The following ADGRG1 variants were observed in gnomAD, a reference collection of about 807,000 sequenced individuals.
ADGRG1 encodes 7-transmembrane protein with no EGF-like N-terminal domains-1.
Under a neutral mutation model 73.5 loss-of-function variants are expected in ADGRG1, and 53 were observed. That is an observed-to-expected ratio of 0.72 (90% CI 0.58 to 0.91). The LOEUF (loss-of-function observed/expected upper bound fraction) is 0.91. ADGRG1 is among the 40% of genes least tolerant of loss of function. The pLI, the probability that ADGRG1 is intolerant of heterozygous loss-of-function variation, is 0.00. For missense variants in ADGRG1, 795 were observed against 871.8 expected, an observed-to-expected ratio of 0.91 and a Z score of 1.11; for synonymous variants, 394 against 374.4, an observed-to-expected ratio of 1.05 and a Z score of -0.60.
intron 1 of ADGRG1, chr16:57,647,600 C>T: frequency 8.5e-6 from 3 of 351,916 alleles, no homozygotes; most frequent in Non-Finnish European, 1.2e-5. Context: ...AGTAACTAGC[C>T]CAAGGACACA....
intron 7 of ADGRG1, 42 bp from the exon 8 acceptor site, chr16:57,656,184 G>C: frequency 6.2e-7 from 1 of 1,613,668 alleles, no homozygotes; most frequent in Non-Finnish European, 8.5e-7. Context: ...TGGAGGGGTG[G>C]GGGGCTGTCA....
intron 11 of ADGRG1, among the ~76,000 whole-genome samples, chr16:57,659,962 A>C (rs1404798955): frequency 6.6e-6 from 1 of 152,220 alleles, no homozygotes; most frequent in Non-Finnish European, 1.5e-5. Flanking sequence ...CAGGTTGTGC[A>C]CTGCTCAAAG....
chr16:57,633,621 C>T lies in ADGRG1; in HGVS notation c.-36+4819C>T, dbSNP rs116866920. The T allele has an allele frequency of 6.5e-4, 301 of 463,368 alleles. 8 individuals are homozygous for T. In the East Asian group the frequency reaches 0.032, roughly 50 times the overall value. 28.7% of individuals were successfully genotyped at this position (463,368 alleles called of 1,614,324 possible). A position where few individuals can be genotyped will look rare whatever the true frequency, so the allele number is the denominator to read the frequency against. ...TGGCCTGGGACAGGTATATTAACCT[C>T]TCTGTGCCTCGTCTTCCTAATTGTA... On this transcript the variant is annotated intron_variant, in intron 1 of 13. Transcript: ENST00000562631.
chr16:57,653,093 A>C (rs2044530261), intron 3 of ADGRG1, 110 bp from the exon 4 acceptor site: 1 of 1,585,894 alleles, frequency 6.3e-7, no homozygotes, highest in Non-Finnish European at 8.5e-7. Context: ...CCCTTTGTAA[A>C]GTAAAGATCG....
rs777377778 is a variant in ADGRG1, at chr16:57,661,890, ATCT to A, written c.1865_1867del (p.Phe622del). 6.8e-6 allele frequency: 11 copies of A among 1,614,094 alleles called. No individual in the cohort carries two copies. In the African/African-American group the frequency reaches 1.1e-4, roughly 16 times the overall value. On this transcript the variant is annotated inframe_deletion, in exon 13 of 14. Coordinates refer to ENST00000562631, the MANE Select transcript of ADGRG1 (RefSeq NM_201525.4). ...GGTCCTTGGCCTGCCCTGGGCCTTG[ATCT>A]TCTTCTCCTTTGCTTCTGGCACCTT...
chr16:57,638,312 C>T (rs2039877456), intron 1 of ADGRG1, among the ~76,000 whole-genome samples: 1 of 152,206 alleles, frequency 6.6e-6, no homozygotes, highest in African/African-American at 2.4e-5. Context: ...TCCCCCGAGT[C>T]TCTGTTTCCC....
chr16:57,646,872 A>C, intron 1 of ADGRG1: 2 of 950,208 alleles, frequency 2.1e-6, no homozygotes, highest in Non-Finnish European at 1.3e-6. Flanking sequence ...GTGTTGCTAG[A>C]ATGCCCCCTG....
intron 1 of ADGRG1, chr16:57,637,200 A>T: frequency 2.2e-6 from 1 of 460,112 alleles, no homozygotes; most frequent in Non-Finnish European, 2.9e-6. Flanking sequence ...CCTGAGCCTC[A>T]GTTCTCTGAC....
At chr16:57,654,409 ACCC>A (rs72461004) in intron 5 of ADGRG1, among the ~76,000 whole-genome samples, 19 of 45,086 alleles carry the variant, frequency 4.2e-4, no homozygotes, top group Middle Eastern at 0.015. Flanking sequence ...CTGTCCACGC[ACCC>A]CCCCCCCCCG....
At chr16:57,644,124 C>T (rs2041595977) in intron 1 of ADGRG1, 4 of 985,112 alleles carry the variant, frequency 4.1e-6, no homozygotes, top group Non-Finnish European at 4.8e-6. Flanking sequence ...TCCCTGTCCC[C>T]TTCCCAGCTT....
At chr16:57,638,156 G>A (rs891080164) in intron 1 of ADGRG1, among the ~76,000 whole-genome samples, 3 of 152,190 alleles carry the variant, frequency 2.0e-5, no homozygotes, top group Non-Finnish European at 2.9e-5. Flanking sequence ...AAATAAAGTT[G>A]GCTGAGCATT....
At chr16:57,624,486 G>A (rs1330753950), upstream of ADGRG1, among the ~76,000 whole-genome samples, 1 of 152,172 alleles carries the variant, frequency 6.6e-6, no homozygotes, top group Non-Finnish European at 1.5e-5. Flanking sequence ...GGGCAACAGA[G>A]CGAGGCCCTG....
chr16:57,653,156 G>T (rs1421382473), intron 3 of ADGRG1, 47 bp from the exon 4 acceptor site: 2 of 1,600,742 alleles, frequency 1.2e-6, no homozygotes, highest in African/African-American at 2.7e-5. Context: ...AGGGTCCTGG[G>T]ACCTGAATCG....
chr16:57,650,535 CT>C, intron 2 of ADGRG1, 184 bp downstream of exon 2: 1 of 503,968 alleles, frequency 2.0e-6, no homozygotes, highest in Non-Finnish European at 2.6e-6. Context: ...CAGTGCACAG[CT>C]TAGGGTATGG....
At chr16:57,631,324 G>C (rs571965397) in intron 1 of ADGRG1, 2 of 985,712 alleles carry the variant, frequency 2.0e-6, no homozygotes, top group Non-Finnish European at 2.4e-6. Flanking sequence ...TCCTCCAGCC[G>C]GACTGGGATG....
rs909071613 is a variant in ADGRG1, at chr16:57,661,468, T to C, written c.1665-229T>C. 3.7e-5 allele frequency: 36 copies of C among 983,508 alleles called. 1 individual carries two copies. The highest frequency in any genetic ancestry group is 4.0e-5 in the Non-Finnish European group (33 of 828,264). The allele number at this position is 983,508 out of a possible 1,614,324, so 60.9% of individuals were successfully genotyped here. On this transcript the variant is annotated intron_variant, in intron 12 of 13. Coordinates refer to ENST00000562631, the MANE Select transcript of ADGRG1 (RefSeq NM_201525.4). The stretch of plus-strand genomic sequence containing the variant: ...GCTCTTTATGTTGTGACCCAGTGAT[T>C]TCTGCCTCACTTTTGTACTATCTAT...
chr16:57,633,705 C>T lies in ADGRG1; in HGVS notation c.-36+4903C>T, dbSNP rs149045664. 4.4e-3 allele frequency among the ~76,000 whole-genome samples: 674 copies of T among 152,326 alleles called. 7 individuals carry two copies. Among genetic ancestry groups the T allele is most frequent in the African/African-American group, 0.016 (650 of 41,552 alleles). ...TAAGTGAGCCTCTGTATTTTAAGTG[C>T]TGAGTGCAGGGCTGGGCACACCTCA... On this transcript the variant is annotated intron_variant, in intron 1 of 13. Transcript: ENST00000562631.
chr16:57,662,180 T>C (rs1330533784), intron 13 of ADGRG1, among the ~76,000 whole-genome samples: 1 of 152,116 alleles, frequency 6.6e-6, no homozygotes, highest in Non-Finnish European at 1.5e-5. Flanking sequence ...ATGGCTGAGC[T>C]GGTTGGGTGT....
In ADGRG1 at chr16:57,657,498, C is replaced by T. The variant is rs1353443226; in HGVS notation, c.1286+7C>T. ...CCGCCTACCTCTGCTCCAGGTGAGGCCTGAAAGGGGTGGGACAGGGGAGGG... is the reference window on the plus strand; with the variant it reads ...CCGCCTACCTCTGCTCCAGGTGAGGTCTGAAAGGGGTGGGACAGGGGAGGG... On this transcript the variant is annotated splice_region_variant and intron_variant, in intron 10 of 13. Transcript: ENST00000562631. The T allele has an allele frequency of 6.2e-7, 1 of 1,602,120 alleles. No individual in the cohort carries two copies. Among genetic ancestry groups the T allele is most frequent in the African/African-American group, 1.3e-5 (1 of 74,666 alleles).
Sources: allele counts gnomAD v4.1 joint callset (sites outside exome capture counted in the v4.1 genomes callset), GRCh38; gene constraint gnomAD v4.1.1; transcripts MANE v1.5; gene names NCBI Gene and HGNC (gene_info 2026-07-23, HGNC 2026-07-21).